Variants in ADGRV1 observed in about 807,000 individuals in gnomAD.
The protein encoded by ADGRV1 is adhesion G protein-coupled receptor V1.
A neutral mutation model predicts 596.2 loss-of-function variants in ADGRV1; 359 were observed. That is an observed-to-expected ratio of 0.60 (90% CI 0.55 to 0.66). ADGRV1 has a LOEUF of 0.66. ADGRV1 is among the 30% of genes least tolerant of loss of function. ADGRV1 has a pLI of 0.00. For missense variants in ADGRV1, 7,274 were observed against 7,575.6 expected (o/e 0.96, Z 1.48); for synonymous variants, 2,681 against 2,679.2 (o/e 1.00, Z -0.02).
Position 90,672,610 on chromosome 5 carries a change from T to G in ADGRV1, c.4817T>G (p.Val1606Gly). ...AGAACCAGAGGAGCTCTGGATTATG[T>G]GCATGTTTTTTACACCATTTCACAG... is the stretch of plus-strand genomic sequence containing the variant. ...VERTRGALDY[V>G]HVFYTISQIE... is the part of the protein sequence containing the mutation. The change falls in exon 22 of 90, where the codon GTG becomes GGG. Residue 1606 changes from valine to glycine, a missense_variant. Val to Gly is a moderately radical substitution (Grantham distance 109). Around this residue, in one of 5 missense-constraint regions of ADGRV1, gnomAD observed 3,643 missense variants for 3,809.2 expected, o/e 0.96. Transcript: ENST00000405460. 6.2e-7 allele frequency: 1 copy of G among 1,613,828 alleles called. No individual in the cohort carries two copies. The highest frequency in any genetic ancestry group is 8.5e-7 in the Non-Finnish European group (1 of 1,179,738).
At chr5:90,565,097 C>T (rs1457891419) in intron 1 of ADGRV1, among the ~76,000 whole-genome samples, 2 of 152,026 alleles carry the variant, frequency 1.3e-5, no homozygotes, top group Non-Finnish European at 2.9e-5. Flanking sequence ...ATTAGCTGGG[C>T]GTGTTGGCGG....
chr5:90,728,866 A>G lies in ADGRV1; in HGVS notation c.10359A>G (p.Thr3453=). 1 of 1,613,734 alleles carries G rather than the reference A, an allele frequency of 6.2e-7. No individual in the cohort carries two copies. The highest frequency in any genetic ancestry group is 1.1e-5 in the South Asian group (1 of 91,064). Residue 3453 remains threonine (T), a synonymous_variant, in exon 49 of 90, where the codon ACA becomes ACG. Transcript: ENST00000405460. ...INFQEVPVSG[T]TEVEALSSAN... is the part of the protein sequence containing the mutation. ...TTCAAGAGGTGCCTGTCAGTGGGAC[A>G]ACAGAAGTTGAGGCTTTGTCTTCAG...
chr5:90,761,237 GA>G (rs2150005770), intron 58 of ADGRV1, among the ~76,000 whole-genome samples: 1 of 152,130 alleles, frequency 6.6e-6, no homozygotes, highest in East Asian at 1.9e-4. Flanking sequence ...AATTTCATAA[GA>G]AAATGGGACC....
At chr5:90,912,107 T>A (rs1231098420) in intron 83 of ADGRV1, among the ~76,000 whole-genome samples, 1 of 152,128 alleles carries the variant, frequency 6.6e-6, no homozygotes, top group African/African-American at 2.4e-5. Context: ...CGGTAAGTAC[T>A]TCATGAATAT....
intron 70 of ADGRV1, among the ~76,000 whole-genome samples, chr5:90,798,382 T>G (rs763444413): frequency 1.3e-5 from 2 of 152,104 alleles, no homozygotes; most frequent in Non-Finnish European, 2.9e-5. Context: ...CAGGAAGAAG[T>G]CGAATCCCTG....
rs116298119 is a variant in ADGRV1 at position 90,965,281 on chromosome 5, G to C, written c.17857-134G>C. The C allele has an allele frequency of 2.9e-3, 1,853 of 630,784 alleles. 17 individuals are homozygous for C. In the African/African-American group the frequency reaches 0.03, roughly 10 times the overall value. 39.1% of individuals were successfully genotyped at this position (630,784 alleles called of 1,614,324 possible). A position where few individuals can be genotyped will look rare whatever the true frequency, so the allele number is the denominator to read the frequency against. On this transcript the variant is annotated intron_variant, in intron 83 of 89. Transcript: ENST00000405460. ...TTTAGAATGACTCTTAGTCATATCAGTTTGGGCAAGAAGTCAACTTACTTT... is the reference window on the plus strand; with the variant it reads ...TTTAGAATGACTCTTAGTCATATCACTTTGGGCAAGAAGTCAACTTACTTT...
intron 84 of ADGRV1, among the ~76,000 whole-genome samples, chr5:90,975,968 C>T: frequency 6.6e-6 from 1 of 151,836 alleles, no homozygotes; most frequent in Non-Finnish European, 1.5e-5. Flanking sequence ...TTTCCTTCTT[C>T]TGTTCTGATT....
intron 78 of ADGRV1, among the ~76,000 whole-genome samples, chr5:90,847,466 C>T (rs1036311351): frequency 1.3e-5 from 2 of 152,218 alleles, no homozygotes; most frequent in African/African-American, 2.4e-5. Flanking sequence ...CAGTGGATCC[C>T]GCACCAGGGC....
intron 85 of ADGRV1, among the ~76,000 whole-genome samples, chr5:91,042,548 T>A (rs1019400700): frequency 2.0e-5 from 3 of 152,132 alleles, no homozygotes; most frequent in Non-Finnish European, 4.4e-5. Flanking sequence ...CTTTTTTTTT[T>A]ATTATACTTT....
chr5:90,881,615 G>T (rs2438346), intron 83 of ADGRV1, among the ~76,000 whole-genome samples: 150,397 of 152,220 alleles, frequency 0.99, 74,324 homozygotes, highest in East Asian at 1. Flanking sequence ...TCAGGGATGG[G>T]CGGAATTTGT....
chr5:90,646,671 A>G (rs1767815022), intron 16 of ADGRV1, among the ~76,000 whole-genome samples: 1 of 151,816 alleles, frequency 6.6e-6, no homozygotes. Context: ...TCTTTCTTGA[A>G]TCCTTGTTGT....
At chr5:91,152,201 G>T (rs1439863609) in intron 88 of ADGRV1, among the ~76,000 whole-genome samples, 1 of 152,164 alleles carries the variant, frequency 6.6e-6, no homozygotes, top group Non-Finnish European at 1.5e-5. Flanking sequence ...AAAAAACCAT[G>T]CAGAGAAGGG....
chr5:91,047,963 G>C (rs993551632), intron 85 of ADGRV1, among the ~76,000 whole-genome samples: 2 of 152,176 alleles, frequency 1.3e-5, no homozygotes, highest in Non-Finnish European at 2.9e-5. Flanking sequence ...TGTCAAAGTA[G>C]CTAACTTTAT....
chr5:90,587,221 G>T (rs1345820097), intron 1 of ADGRV1, among the ~76,000 whole-genome samples: 2 of 152,004 alleles, frequency 1.3e-5, no homozygotes, highest in Non-Finnish European at 2.9e-5. Flanking sequence ...CTCTTGTGAC[G>T]TGACCCCATT....
At chr5:90,956,025 A>G (rs1183271335) in intron 83 of ADGRV1, among the ~76,000 whole-genome samples, 3 of 152,316 alleles carry the variant, frequency 2.0e-5, no homozygotes, top group African/African-American at 7.2e-5. Context: ...CTATTGTTAG[A>G]TTTATATAGA....
chr5:91,122,086 G>A (rs145942200), intron 87 of ADGRV1, among the ~76,000 whole-genome samples: 1,698 of 152,274 alleles, frequency 0.011, 31 homozygotes, highest in African/African-American at 0.038. Flanking sequence ...AGACTAGATT[G>A]TAATCAAATT....
intron 10 of ADGRV1, among the ~76,000 whole-genome samples, chr5:90,636,740 G>C (rs1055255576): frequency 2.0e-5 from 3 of 151,680 alleles, no homozygotes; most frequent in Non-Finnish European, 4.4e-5. Context: ...CTAGTCTCAG[G>C]TTATGACGAT....
At chr5:90,926,481 C>A (rs1233059877) in intron 83 of ADGRV1, among the ~76,000 whole-genome samples, 1 of 149,338 alleles carries the variant, frequency 6.7e-6, no homozygotes, top group African/African-American at 2.5e-5. Context: ...TGGTGATATC[C>A]CCTTTATCAT....
In ADGRV1 at chr5:91,061,261, T is replaced by A. The variant is rs149527583; in HGVS notation, c.18153-11186T>A. Among the ~76,000 whole-genome samples the A allele has an allele frequency of 2.6e-5, 4 of 152,326 alleles. No homozygotes were observed. In the East Asian group the frequency reaches 7.7e-4, roughly 29 times the overall value. ...TCAGCCTGACCTTATTCTGATGAAA[T>A]GCTGATGGGGCTTGATTCACTGGAA... is the stretch of plus-strand genomic sequence containing the variant. On this transcript the variant is annotated intron_variant, in intron 85 of 89. Coordinates refer to ENST00000405460, the MANE Select transcript of ADGRV1 (RefSeq NM_032119.4).
Sources: gnomAD v4.1 joint callset for allele counts (sites outside exome capture counted in the v4.1 genomes callset) on GRCh38, gnomAD v4.1.1 for gene constraint, gnomAD v4.1.1 regional missense constraint, MANE v1.5 for transcripts, NCBI Gene and HGNC (gene_info 2026-07-23, HGNC 2026-07-21) for gene names.